The following AK3 variants were observed in gnomAD, a reference collection of about 807,000 sequenced individuals.
AK3 encodes GTP:AMP phosphotransferase AK3, mitochondrial.
Under a neutral mutation model 23.7 loss-of-function variants are expected in AK3, and 27 were observed. That is an observed-to-expected ratio of 1.14 (90% CI 0.84 to 1.57). AK3 has a LOEUF of 1.57. AK3 is among the 40% of genes most tolerant of loss of function. AK3 has a pLI of 0.00. For synonymous variants in AK3, 159 were observed against 116.0 expected, an observed-to-expected ratio of 1.37 and a Z score of -2.38; for missense variants, 406 against 285.6, an observed-to-expected ratio of 1.42 and a Z score of -3.04.
At chr9:4,733,624 T>C (rs899395597) in intron 1 of AK3, among the ~76,000 whole-genome samples, 13 of 152,218 alleles carry the variant, frequency 8.5e-5, no homozygotes, top group Admixed American at 8.5e-4. Flanking sequence ...CAGTGAAGCA[T>C]CCAGAAAGAG....
At chr9:4,738,612 GA>G (rs55994802) in intron 1 of AK3, among the ~76,000 whole-genome samples, 7 of 149,260 alleles carry the variant, frequency 4.7e-5, no homozygotes, top group Admixed American at 2.0e-4. Context: ...AAAAGAAAAA[GA>G]AAAAAAAAGA....
At chr9:4,717,293 C>G (rs1363833983) in intron 4 of AK3, among the ~76,000 whole-genome samples, 2 of 152,190 alleles carry the variant, frequency 1.3e-5, no homozygotes, top group Non-Finnish European at 2.9e-5. Flanking sequence ...CTGTAAGAAG[C>G]AGGAAGGCTC....
chr9:4,716,875 G>C (rs7852798), intron 4 of AK3, among the ~76,000 whole-genome samples: 1 of 152,126 alleles, frequency 6.6e-6, no homozygotes, highest in East Asian at 1.9e-4. Flanking sequence ...AGGCTGTAGT[G>C]AACTATGAAA....
chr9:4,738,418 A>G (rs1241429718), intron 1 of AK3, among the ~76,000 whole-genome samples: 1 of 152,158 alleles, frequency 6.6e-6, no homozygotes, highest in Non-Finnish European at 1.5e-5. Flanking sequence ...CACCCACCTC[A>G]GCCTCCCAAA....
At position 4,740,906 on chromosome 9, in the gene AK3, G is replaced by C. The variant is rs773163326; in HGVS notation, c.151+31C>G. 1.2e-5 allele frequency: 18 copies of C among 1,493,198 alleles called. No individual in the cohort carries two copies. The African/African-American group carries it at 2.5e-4, about 20-fold the overall frequency. The allele number at this position is 1,493,198 out of a possible 1,614,324, so 92.5% of individuals were successfully genotyped here. ...CGCGAAGTCCGACCCGGGTGACAGC[G>C]CACGGCCGGCCCTGGGCCCAGAGCT... is the stretch of plus-strand genomic sequence containing the variant. On this transcript the variant is annotated intron_variant, in intron 1 of 4. Coordinates refer to ENST00000381809, the MANE Select transcript of AK3 (RefSeq NM_016282.4).
chr9:4,724,384 G>A (rs938810815), intron 1 of AK3, among the ~76,000 whole-genome samples: 5 of 152,308 alleles, frequency 3.3e-5, no homozygotes, highest in South Asian at 2.1e-4. Context: ...AGCTGCAGCA[G>A]ATGGGTTAGA....
intron 2 of AK3, among the ~76,000 whole-genome samples, chr9:4,720,327 G>A (rs1012376430): frequency 6.6e-5 from 10 of 152,210 alleles, no homozygotes; most frequent in African/African-American, 2.2e-4. Context: ...TTGTTACTAA[G>A]GACATTTTGT....
intron 1 of AK3, among the ~76,000 whole-genome samples, chr9:4,727,838 C>T (rs539425046): frequency 6.6e-6 from 1 of 152,166 alleles, no homozygotes; most frequent in South Asian, 2.1e-4. Context: ...GTGCCACTCT[C>T]TTCCTTTAAC....
intron 1 of AK3, among the ~76,000 whole-genome samples, chr9:4,728,832 CATATATATATATAT>C (rs145541536): frequency 6.9e-5 from 6 of 86,850 alleles, no homozygotes; most frequent in African/African-American, 1.1e-4. Context: ...CATGTCTCTA[CATATATATATATAT>C]ATATATATAT....
At position 4,735,462 on chromosome 9, in the gene AK3, A is replaced by ATGTG. The variant is rs199886005; in HGVS notation, c.151+5471_151+5474dup. ...ACATATATAAATATATACATAGTAT[A>ATGTG]TGTGTATATATATATATTTTTTTTT... On this transcript the variant is annotated intron_variant, in intron 1 of 4. Transcript: ENST00000381809. Among the ~76,000 whole-genome samples, 15 of 78,550 alleles carry ATGTG rather than the reference A, an allele frequency of 1.9e-4. 3 individuals are homozygous for ATGTG. Among genetic ancestry groups the ATGTG allele is most frequent in the Non-Finnish European group, 3.1e-4 (13 of 41,784 alleles). 51.5% of individuals were successfully genotyped at this position (78,550 alleles called of 152,430 possible).
chr9:4,717,470 C>A (rs886209780), intron 4 of AK3, among the ~76,000 whole-genome samples: 1 of 152,184 alleles, frequency 6.6e-6, no homozygotes, highest in African/African-American at 2.4e-5. Context: ...ATCTGAGATT[C>A]TTCCACACCA....
chr9:4,722,462 C>A (rs2274821), intron 2 of AK3, 44 bp downstream of exon 2: 303,448 of 1,612,424 alleles, frequency 0.19, 31,337 homozygotes, highest in East Asian at 0.39. Context: ...CCTGCCAGCA[C>A]TGATTATTTT....
At chr9:4,739,308 AGCCTCCCGAGTAGCTAGGATCACAGGT>A (rs1842369252) in intron 1 of AK3, among the ~76,000 whole-genome samples, 3 of 151,480 alleles carry the variant, frequency 2.0e-5, no homozygotes, top group Admixed American at 6.6e-5. Flanking sequence ...CTCTCTCCTC[AGCCTCCCGAGTAGCTAGGATCACAGGT>A]GCCTGCCACT....
intron 1 of AK3, among the ~76,000 whole-genome samples, chr9:4,737,651 G>C (rs145590675): frequency 6.6e-6 from 1 of 152,160 alleles, no homozygotes; most frequent in Non-Finnish European, 1.5e-5. Context: ...CCCAGGAGTC[G>C]GAGGTCGCAG....
At chr9:4,739,864 G>C (rs1197253111) in intron 1 of AK3, among the ~76,000 whole-genome samples, 2 of 151,996 alleles carry the variant, frequency 1.3e-5, no homozygotes, top group Non-Finnish European at 2.9e-5. Context: ...CCAGGAGGCA[G>C]ACAGAGCAAG....
At chr9:4,726,254 C>T (rs1842021414) in intron 1 of AK3, among the ~76,000 whole-genome samples, 1 of 152,094 alleles carries the variant, frequency 6.6e-6, no homozygotes, top group Non-Finnish European at 1.5e-5. Flanking sequence ...TAAAATAAGA[C>T]AACAGTAAAG....
In AK3 at chr9:4,738,782, T is replaced by G. The variant is rs985569363; in HGVS notation, c.151+2155A>C. ...TTTACTTTTTTTTTTTTTTTTTTTTTTTTGAGACAGGGTATCACTCTGTCT... is the reference window on the plus strand; with the variant it reads ...TTTACTTTTTTTTTTTTTTTTTTTTGTTTGAGACAGGGTATCACTCTGTCT... On this transcript the variant is annotated intron_variant, in intron 1 of 4. Transcript: ENST00000381809. Among the ~76,000 whole-genome samples the G allele has an allele frequency of 6.8e-4, 100 of 146,060 alleles. 1 individual carries two copies. The highest frequency in any genetic ancestry group is 2.4e-3 in the African/African-American group (94 of 38,536).
At position 4,718,588 on chromosome 9, in the gene AK3, A is replaced by G. The variant is rs188927307; in HGVS notation, c.445-51T>C. ...ATCAGATATCATATTTCTGAAAGAT[A>G]TTTTCATAAGCAGTTCAATTATTTT... On this transcript the variant is annotated intron_variant, in intron 3 of 4. Transcript: ENST00000381809. 3.7e-6 allele frequency: 5 copies of G among 1,351,388 alleles called. No individual in the cohort carries two copies. In the East Asian group the frequency reaches 1.1e-4, roughly 31 times the overall value. The allele number at this position is 1,351,388 out of a possible 1,614,324, so 83.7% of individuals were successfully genotyped here. A position where few individuals can be genotyped will look rare whatever the true frequency, so the allele number is the denominator to read the frequency against.
chr9:4,741,262 G>C (rs1045268207), upstream of AK3: 11 of 635,778 alleles, frequency 1.7e-5, no homozygotes, highest in African/African-American at 3.9e-5. Context: ...CAGACAGCGC[G>C]GGACCCCGCT....
Sources: gnomAD v4.1 joint callset for allele counts (sites outside exome capture counted in the v4.1 genomes callset) on GRCh38, gnomAD v4.1.1 for gene constraint, MANE v1.5 for transcripts, NCBI Gene and HGNC (gene_info 2026-07-23, HGNC 2026-07-21) for gene names.